Variants in CD163L1 observed in about 807,000 individuals in gnomAD.
The protein encoded by CD163L1 is CD163 molecule like 1, also known as scavenger receptor cysteine-rich type 1 protein M160.
Under a neutral mutation model 165.4 loss-of-function variants are expected in CD163L1, and 124 were observed. That is an observed-to-expected ratio of 0.75 (90% CI 0.65 to 0.87). CD163L1 has a LOEUF of 0.87. Ranked by LOEUF, CD163L1 falls within the 40% of genes least tolerant of loss-of-function variation. The pLI is 0.00. For synonymous variants in CD163L1, 585 were observed against 662.2 expected (o/e 0.88, Z 1.79); for missense variants, 1,525 against 1,799.9 (o/e 0.85, Z 2.76).
downstream of CD163L1, among the ~76,000 whole-genome samples, chr12:7,345,579 A>T (rs1591858696): frequency 6.6e-6 from 1 of 151,680 alleles, no homozygotes. Context: ...AGTCCTCCCA[A>T]CTCTTCCAGC....
At position 7,433,477 on chromosome 12, in the gene CD163L1, A is replaced by C; in HGVS notation, c.342T>G (p.Asp114Glu). ...CTGACTCATTTCCATAACAGGAAAC[A>C]TCATCAAGCCAAATTTTTCCATGTC... ...VTRHGKIWLDDVSCYGNESAL... is the reference protein window; with the variant it reads ...VTRHGKIWLDEVSCYGNESAL... The change falls in exon 3 of 20, where the codon GAT becomes GAG. Residue 114 changes from aspartate (D) to glutamate (E), a missense_variant. Coordinates refer to ENST00000313599, the MANE Select transcript of CD163L1 (RefSeq NM_174941.6). The C allele has an allele frequency of 6.2e-7, 1 of 1,614,180 alleles. No individual in the cohort carries two copies. Among genetic ancestry groups the C allele is most frequent in the East Asian group, 2.2e-5 (1 of 44,884 alleles).
At chr12:7,434,749 A>G (rs1948692907) in intron 2 of CD163L1, among the ~76,000 whole-genome samples, 1 of 152,146 alleles carries the variant, frequency 6.6e-6, no homozygotes, top group Non-Finnish European at 1.5e-5. Context: ...ACAGGGAGAG[A>G]GAGTACAATA....
At chr12:7,383,496 G>A (rs939510636) in intron 8 of CD163L1, among the ~76,000 whole-genome samples, 1 of 152,012 alleles carries the variant, frequency 6.6e-6, no homozygotes, top group African/African-American at 2.4e-5. Flanking sequence ...CCACCTGGAA[G>A]CCCAAGAATT....
chr12:7,396,203 C>T lies in CD163L1; in HGVS notation c.1942G>A (p.Asp648Asn), dbSNP rs749734870. ...TCATCTCCATCACAGGAAACATCAT[C>T]GAGCCAAATTTTTCCATATCCTGTA... The part of the protein sequence containing the change: ...ASTGYGKIWL[D>N]DVSCDGDESD... The change falls in exon 8 of 20, where the codon GAT becomes AAT. Residue 648 changes from aspartate (D) to asparagine (N), a missense_variant. By Grantham distance (23) the Asp-to-Asn change is conservative. Transcript: ENST00000313599. 4.3e-6 allele frequency: 7 copies of T among 1,614,022 alleles called. No homozygotes were observed. Among genetic ancestry groups the T allele is most frequent in the Middle Eastern group, 1.6e-4 (1 of 6,084 alleles).
chr12:7,355,840 G>A (rs1946763001), intron 19 of CD163L1, among the ~76,000 whole-genome samples: 1 of 152,098 alleles, frequency 6.6e-6, no homozygotes, highest in Non-Finnish European at 1.5e-5. Flanking sequence ...AGGGAAGGAA[G>A]GAGGCCTCAG....
intron 4 of CD163L1, among the ~76,000 whole-genome samples, chr12:7,421,544 CAT>C (rs1403826475): frequency 7.0e-5 from 8 of 113,788 alleles, no homozygotes; most frequent in Non-Finnish European, 1.2e-4. Flanking sequence ...TATACGTACA[CAT>C]ATACATATAC....
chr12:7,393,991 C>T (rs1947717341), intron 8 of CD163L1, among the ~76,000 whole-genome samples: 1 of 152,008 alleles, frequency 6.6e-6, no homozygotes, highest in Non-Finnish European at 1.5e-5. Context: ...AATGGCCATA[C>T]TGCCCAAGGT....
the CD163L1 span, among the ~76,000 whole-genome samples, chr12:7,333,129 A>G: frequency 6.6e-6 from 1 of 152,202 alleles, no homozygotes; most frequent in African/African-American, 2.4e-5. Flanking sequence ...TCAGCTCTGC[A>G]CCAAGCGGAC....
In CD163L1 at chr12:7,379,035, A is replaced by G; in HGVS notation, c.2314T>C (p.Trp772Arg). Residue 772 changes from tryptophan to arginine, a missense_variant, in exon 9 of 20, where the codon TGG (tryptophan) becomes CGG (arginine). Coordinates refer to ENST00000313599, the MANE Select transcript of CD163L1 (RefSeq NM_174941.6). ...GEASLWDCIR[W>R]EWKQTACHLN... is the part of the protein sequence containing the mutation. ...TGACACGCAGTCTGTTTCCACTCCC[A>G]TCGTATACAATCCCAGAGAGAGGCT... 1.2e-6 allele frequency: 2 copies of G among 1,614,132 alleles called. No individual in the cohort carries two copies. Among genetic ancestry groups the G allele is most frequent in the Non-Finnish European group, 1.7e-6 (2 of 1,179,980 alleles).
chr12:7,421,195 G>GTA lies in CD163L1; in HGVS notation c.766+11219_766+11220dup, dbSNP rs746549772. On this transcript the variant is annotated intron_variant, in intron 4 of 19. Transcript: ENST00000313599. Reference sequence around the variant, plus strand: ...TATATGTATATATATGTGTATATATGTATATATATGGGTATATATATGTGT... The same window carrying GTA: ...TATATGTATATATATGTGTATATATGTATATATATATGGGTATATATATGTGT... 8.4e-5 allele frequency among the ~76,000 whole-genome samples: 11 copies of GTA among 130,414 alleles called. No individual in the cohort carries two copies. The East Asian group carries it at 2.4e-3, about 29-fold the overall frequency. 85.6% of individuals were successfully genotyped at this position (130,414 alleles called of 152,430 possible).
downstream of CD163L1, among the ~76,000 whole-genome samples, chr12:7,351,647 C>T (rs561270406): frequency 1.6e-4 from 25 of 152,116 alleles, no homozygotes; most frequent in Non-Finnish European, 3.2e-4. Flanking sequence ...TAATATATAT[C>T]AGACTACAAA....
chr12:7,427,231 A>C (rs1177190590), intron 4 of CD163L1, among the ~76,000 whole-genome samples: 2 of 152,128 alleles, frequency 1.3e-5, no homozygotes, highest in African/African-American at 4.8e-5. Flanking sequence ...ATTCCATCTA[A>C]AGTAGCAGAA....
the CD163L1 span, chr12:7,328,210 T>C: frequency 1.1e-5 from 13 of 1,141,730 alleles, no homozygotes; most frequent in South Asian, 1.4e-4. Context: ...CTGAGTTCCA[T>C]GCAAGCTCCT....
the CD163L1 span, among the ~76,000 whole-genome samples, chr12:7,340,406 T>C: frequency 1.3e-5 from 2 of 152,170 alleles, no homozygotes; most frequent in Non-Finnish European, 2.9e-5. Context: ...ACCATCAGAA[T>C]GTCTCTCCAA....
intron 2 of CD163L1, among the ~76,000 whole-genome samples, chr12:7,433,931 A>T (rs952510736): frequency 3.3e-5 from 5 of 152,208 alleles, no homozygotes; most frequent in Admixed American, 1.3e-4. Context: ...AATTAAAAGA[A>T]GGGAAAGAAT....
chr12:7,375,361 G>T lies in CD163L1; in HGVS notation c.2921C>A (p.Ser974Ter). The T allele has an allele frequency of 6.2e-7, 1 of 1,614,120 alleles. No homozygotes were observed. The highest frequency in any genetic ancestry group is 1.3e-5 in the African/African-American group (1 of 75,012). The change falls in exon 11 of 20, where the codon TCA (serine) becomes TAA (stop). Residue 974 changes from serine to a stop codon, truncating the protein, a stop_gained. Coordinates refer to ENST00000313599, the MANE Select transcript of CD163L1 (RefSeq NM_174941.6). LOFTEE classifies it high-confidence loss of function. ...TGTCATTTGACAGTTATCCAGAAGT[G>T]ACTCATTCCCTAAGCAATGAAACCT... The part of the protein sequence containing the change: ...GHRFHCLGNE[S>*]LLDNCQMTVL...
chr12:7,399,398 TTTC>T (rs1026971395), intron 6 of CD163L1, among the ~76,000 whole-genome samples: 4 of 14,434 alleles, frequency 2.8e-4, no homozygotes, highest in Non-Finnish European at 7.5e-4. Flanking sequence ...TTTTTCTTTC[TTTC>T]TTTTCCTTCC....
chr12:7,399,598 CTTTT>C (rs1251055467), intron 6 of CD163L1, among the ~76,000 whole-genome samples: 2 of 78,672 alleles, frequency 2.5e-5, no homozygotes, highest in East Asian at 7.6e-4. Context: ...TTCTTTCTTT[CTTTT>C]TCTTTCCTTT....
At chr12:7,421,499 G>GTATATATACATATATGTACATA (rs1948410060) in intron 4 of CD163L1, among the ~76,000 whole-genome samples, 1 of 88,522 alleles carries the variant, frequency 1.1e-5, no homozygotes, top group Admixed American at 1.3e-4. Flanking sequence ...ATACATATAT[G>GTATATATACATATATGTACATA]TACATATACA....
Sources: allele counts gnomAD v4.1 joint callset (sites outside exome capture counted in the v4.1 genomes callset), GRCh38; gene constraint gnomAD v4.1.1; transcripts MANE v1.5; gene names NCBI Gene and HGNC (gene_info 2026-07-23, HGNC 2026-07-21).